TEK: variants seen among roughly 807,000 people sequenced by gnomAD.
The protein encoded by TEK is angiopoietin-1 receptor.
A neutral mutation model predicts 131.8 loss-of-function variants in TEK; 43 were observed. The ratio of observed to expected loss-of-function variants is 0.33; its 90% CI spans 0.26 to 0.42. The LOEUF (loss-of-function observed/expected upper bound fraction) is 0.42, where lower values mean the gene tolerates loss of function less well. Among genes scored for constraint, TEK ranks in the 10% least tolerant of loss-of-function variants. The pLI, the probability that TEK is intolerant of heterozygous loss-of-function variation, is 1.00. For synonymous variants in TEK, 580 were observed against 491.6 expected (o/e 1.18, Z -2.38); for missense variants, 1,162 against 1,384.4 (o/e 0.84, Z 2.55).
At chr9:27,173,743 T>TG (rs201426654) in intron 6 of TEK, among the ~76,000 whole-genome samples, 14,144 of 140,796 alleles carry the variant, frequency 0.1, 852 homozygotes, top group Admixed American at 0.15. Flanking sequence ...TTTGGTTTTT[T>TG]TTTTTTTTTT....
intron 1 of TEK, among the ~76,000 whole-genome samples, chr9:27,133,553 C>A (rs1564048810): frequency 6.6e-6 from 1 of 152,216 alleles, no homozygotes; most frequent in Non-Finnish European, 1.5e-5. Flanking sequence ...GTGTCCTCCA[C>A]TTATTGCTAT....
rs769524871 is a variant in TEK, at chr9:27,192,603, G to A, written c.1604G>A (p.Arg535His). Residue 535 changes from arginine (R) to histidine (H), a missense_variant, in exon 11 of 23, where the codon CGC becomes CAC. Arg to His is a conservative substitution (Grantham distance 29, BLOSUM62 0). Around this residue, in one of 6 missense-constraint regions of TEK, gnomAD observed 477 missense variants for 471.0 expected, o/e 1.01. Coordinates refer to ENST00000380036, the MANE Select transcript of TEK (RefSeq NM_000459.5). ...GAAGGGCATCCTGGACCTGTGAGAC[G>A]CTTCACAACAGCTTCTATCGGTCAG... ...GGEGHPGPVR[R>H]FTTASIGLPP... The A allele has an allele frequency of 3.3e-5, 54 of 1,613,022 alleles. No individual in the cohort carries two copies. In the East Asian group the frequency reaches 4.0e-4, roughly 12 times the overall value.
At chr9:27,194,354 C>T (rs1398155394) in intron 11 of TEK, among the ~76,000 whole-genome samples, 3 of 152,122 alleles carry the variant, frequency 2.0e-5, no homozygotes, top group African/African-American at 7.2e-5. Flanking sequence ...TAGCAGCATC[C>T]TTAAAGAACC....
chr9:27,181,247 A>G (rs911979306), intron 7 of TEK, among the ~76,000 whole-genome samples: 1 of 152,184 alleles, frequency 6.6e-6, no homozygotes, highest in African/African-American at 2.4e-5. Context: ...TAGTATCTGT[A>G]TATATTTTAT....
intron 2 of TEK, among the ~76,000 whole-genome samples, chr9:27,161,310 T>C (rs553431553): frequency 6.6e-6 from 1 of 152,362 alleles, no homozygotes; most frequent in South Asian, 2.1e-4. Flanking sequence ...TGTGTGGCCT[T>C]TGGCAAGTTA....
intron 9 of TEK, among the ~76,000 whole-genome samples, chr9:27,189,015 A>G (rs1400662092): frequency 2.0e-5 from 3 of 152,220 alleles, no homozygotes; most frequent in African/African-American, 7.2e-5. Context: ...TGTCTAAGGA[A>G]GGTGAGCCAA....
intron 1 of TEK, among the ~76,000 whole-genome samples, chr9:27,144,506 T>TA (rs1442426367): frequency 6.6e-6 from 1 of 152,206 alleles, no homozygotes; most frequent in East Asian, 1.9e-4. Context: ...ACTCTTGAGA[T>TA]ATTTAGGCCT....
chr9:27,211,203 G>GAATATATATGTGTATATATAT (rs1369848130), intron 16 of TEK, among the ~76,000 whole-genome samples: 4 of 146,372 alleles, frequency 2.7e-5, no homozygotes, highest in Non-Finnish European at 4.5e-5. Context: ...GTATATATAT[G>GAATATATATGTGTATATATAT]AATATATGTG....
At position 27,155,387 on chromosome 9, in the gene TEK, C is replaced by G. The variant is rs1045489194; in HGVS notation, c.53-2444C>G. ...GATGCTTCAAGGCCAGGCTTGGGAACTCATTCTAGTGGAGATTTTCTCCCT... is the reference window on the plus strand; with the variant it reads ...GATGCTTCAAGGCCAGGCTTGGGAAGTCATTCTAGTGGAGATTTTCTCCCT... On this transcript the variant is annotated intron_variant, in intron 1 of 22. Transcript: ENST00000380036. Among the ~76,000 whole-genome samples the G allele has an allele frequency of 3.3e-5, 5 of 152,200 alleles. No individual in the cohort carries two copies. In the South Asian group the frequency reaches 1.0e-3, roughly 31 times the overall value.
intron 14 of TEK, 106 bp downstream of exon 14, chr9:27,205,171 C>T: frequency 1.4e-6 from 2 of 1,406,908 alleles, no homozygotes; most frequent in Non-Finnish European, 2.0e-6. Context: ...GTAAATATTT[C>T]CCTTAGGCAA....
At chr9:27,215,401 A>G (rs766539072) in intron 18 of TEK, among the ~76,000 whole-genome samples, 1 of 152,112 alleles carries the variant, frequency 6.6e-6, no homozygotes, top group African/African-American at 2.4e-5. Context: ...CTCCTAGAGA[A>G]CACAGTGGCT....
At chr9:27,121,584 CATTT>C (rs558540355) in intron 1 of TEK, among the ~76,000 whole-genome samples, 20 of 150,442 alleles carry the variant, frequency 1.3e-4, no homozygotes, top group Non-Finnish European at 2.4e-4. Context: ...CATATATAAA[CATTT>C]ATTTGCATCT....
At chr9:27,143,109 T>C in intron 1 of TEK, among the ~76,000 whole-genome samples, 1 of 152,216 alleles carries the variant, frequency 6.6e-6, no homozygotes, top group East Asian at 1.9e-4. Context: ...GCTGGGCTTC[T>C]GTTTCTTTAT....
chr9:27,119,320 T>A (rs908705292), intron 1 of TEK, among the ~76,000 whole-genome samples: 4 of 152,094 alleles, frequency 2.6e-5, no homozygotes, highest in African/African-American at 4.8e-5. Context: ...GAAGACCTTT[T>A]AAAAAAAATA....
Position 27,158,151 on chromosome 9 carries a change from C to T in TEK, c.364+9C>T. 1.2e-6 allele frequency: 2 copies of T among 1,614,032 alleles called. No individual in the cohort carries two copies. Among genetic ancestry groups the T allele is most frequent in the Non-Finnish European group, 1.7e-6 (2 of 1,180,002 alleles). On this transcript the variant is annotated intron_variant, in intron 2 of 22. Coordinates refer to ENST00000380036, the MANE Select transcript of TEK (RefSeq NM_000459.5). ...GAAGATGCGTCAACAAGGTAACATG[C>T]CCCTAAGTTTTGGGCAGGTGAGGCC...
At chr9:27,144,432 C>A (rs1039327250) in intron 1 of TEK, among the ~76,000 whole-genome samples, 1 of 152,208 alleles carries the variant, frequency 6.6e-6, no homozygotes, top group Non-Finnish European at 1.5e-5. Flanking sequence ...GGGGATTACA[C>A]TTAATACATT....
chr9:27,220,246 C>G (rs1826008901), intron 21 of TEK, 101 bp downstream of exon 21: 1 of 1,001,982 alleles, frequency 1.0e-6, no homozygotes, highest in Admixed American at 1.9e-5. Context: ...ACACTATACA[C>G]AAACACCTAC....
intron 15 of TEK, among the ~76,000 whole-genome samples, chr9:27,208,056 C>T (rs928516201): frequency 6.6e-6 from 1 of 152,052 alleles, no homozygotes; most frequent in East Asian, 1.9e-4. Flanking sequence ...CTACCTTGTG[C>T]CCATGTGAAG....
At chr9:27,113,702 G>C (rs1191678684) in intron 1 of TEK, among the ~76,000 whole-genome samples, 1 of 152,196 alleles carries the variant, frequency 6.6e-6, no homozygotes, top group Admixed American at 6.5e-5. Flanking sequence ...GGATGTAGGA[G>C]AACCACTTAA....
Sources: gnomAD v4.1 joint callset for allele counts (sites outside exome capture counted in the v4.1 genomes callset) on GRCh38, gnomAD v4.1.1 for gene constraint, gnomAD v4.1.1 regional missense constraint, MANE v1.5 for transcripts, NCBI Gene and HGNC (gene_info 2026-07-23, HGNC 2026-07-21) for gene names.